PDE1C: variants seen among roughly 807,000 people sequenced by gnomAD.
The protein encoded by PDE1C is dual specificity calcium/calmodulin-dependent 3',5'-cyclic nucleotide phosphodiesterase 1C.
PDE1C carries 62 observed loss-of-function variants against 93.1 expected under a neutral mutation model. The observed-to-expected ratio is 0.67, with a 90% CI of 0.54 to 0.82. The LOEUF is 0.82. PDE1C is among the 40% of genes least tolerant of loss of function. The probability of loss-of-function intolerance (pLI) is 0.00; values close to 1 mark genes in which losing one functional copy is unlikely to be tolerated. For synonymous variants in PDE1C, 325 were observed against 310.1 expected, an observed-to-expected ratio of 1.05 and a Z score of -0.50; for missense variants, 742 against 884.6, an observed-to-expected ratio of 0.84 and a Z score of 2.04.
intron 1 of PDE1C, among the ~76,000 whole-genome samples, chr7:32,402,088 C>T (rs1392281813): frequency 6.6e-6 from 1 of 151,990 alleles, no homozygotes; most frequent in Non-Finnish European, 1.5e-5. Context: ...AAGCAGGAAA[C>T]CAAAGCACTA....
intron 10 of PDE1C, 134 bp from the exon 11 acceptor site, chr7:31,837,434 A>C: frequency 1.3e-6 from 1 of 778,606 alleles, no homozygotes; most frequent in Non-Finnish European, 1.9e-6. Context: ...AATTGAGGAA[A>C]AGACATCATT....
At chr7:32,167,876 C>A (rs889896816) in intron 3 of PDE1C, among the ~76,000 whole-genome samples, 4 of 152,084 alleles carry the variant, frequency 2.6e-5, no homozygotes, top group African/African-American at 9.7e-5. Flanking sequence ...CTTGATTATG[C>A]TCTGATTTAT....
intron 1 of PDE1C, among the ~76,000 whole-genome samples, chr7:32,298,065 C>CTCTCCTCTCTCT (rs1562660556): frequency 3.8e-4 from 8 of 21,174 alleles, no homozygotes; most frequent in South Asian, 2.1e-3. Flanking sequence ...TCTCTCTCTC[C>CTCTCCTCTCTCT]CCTCTCTCTC....
chr7:31,965,417 A>G (rs1809766434), intron 2 of PDE1C, among the ~76,000 whole-genome samples: 1 of 152,164 alleles, frequency 6.6e-6, no homozygotes, highest in Non-Finnish European at 1.5e-5. Flanking sequence ...AAAAAAGAAC[A>G]AAAAGAAACA....
intron 3 of PDE1C, among the ~76,000 whole-genome samples, chr7:32,121,055 AAACAC>A (rs768164377): frequency 6.6e-6 from 1 of 152,204 alleles, no homozygotes; most frequent in African/African-American, 2.4e-5. Flanking sequence ...TGGGGCTGAA[AAACAC>A]AACACAAGAA....
chr7:31,898,932 G>A (rs184031652), intron 2 of PDE1C, among the ~76,000 whole-genome samples: 108 of 152,200 alleles, frequency 7.1e-4, no homozygotes, highest in African/African-American at 1.7e-3. Flanking sequence ...TTTCACTAGC[G>A]TGGCTTCCTC....
intron 1 of PDE1C, among the ~76,000 whole-genome samples, chr7:32,067,999 A>C (rs1328379373): frequency 6.6e-6 from 1 of 152,218 alleles, no homozygotes; most frequent in Non-Finnish European, 1.5e-5. Context: ...ACCAACAAGA[A>C]GGAGATGCGA....
At chr7:32,006,574 T>A (rs1786289027) in intron 2 of PDE1C, among the ~76,000 whole-genome samples, 1 of 152,182 alleles carries the variant, frequency 6.6e-6, no homozygotes, top group African/African-American at 2.4e-5. Context: ...TTACAGCTGG[T>A]ACTAGCAGTA....
the PDE1C span, among the ~76,000 whole-genome samples, chr7:31,723,969 A>G: frequency 1.3e-5 from 2 of 151,838 alleles, no homozygotes; most frequent in Admixed American, 6.6e-5. Context: ...ACTCCTTCTT[A>G]CTTCTATATC....
At chr7:32,213,102 A>G (rs1806170328) in intron 1 of PDE1C, among the ~76,000 whole-genome samples, 1 of 152,226 alleles carries the variant, frequency 6.6e-6, no homozygotes, top group Admixed American at 6.5e-5. Flanking sequence ...GAATGCCACA[A>G]ACAGCTTAGT....
At chr7:32,282,967 C>T (rs911677314) in intron 1 of PDE1C, among the ~76,000 whole-genome samples, 7 of 152,116 alleles carry the variant, frequency 4.6e-5, no homozygotes, top group South Asian at 2.1e-4. Context: ...TCAAACCTCA[C>T]GTGTGGAATT....
chr7:31,808,121 A>G, intron 16 of PDE1C: 1 of 425,134 alleles, frequency 2.4e-6, no homozygotes, highest in Non-Finnish European at 4.5e-6. Flanking sequence ...ATGTGCAAAG[A>G]ATTACGTTCC....
intron 1 of PDE1C, among the ~76,000 whole-genome samples, chr7:32,380,671 C>A (rs1415299501): frequency 6.6e-6 from 1 of 152,050 alleles, no homozygotes; most frequent in Non-Finnish European, 1.5e-5. Flanking sequence ...TCACCTCATT[C>A]CTGCAGCCTG....
At chr7:32,386,042 G>A (rs1784619190) in intron 1 of PDE1C, among the ~76,000 whole-genome samples, 2 of 150,220 alleles carry the variant, frequency 1.3e-5, no homozygotes, top group Non-Finnish European at 1.5e-5. Flanking sequence ...TGCCCTTACT[G>A]ACTCAGCTCC....
At chr7:31,873,549 C>T in intron 5 of PDE1C, 141 bp from the exon 6 acceptor site, 1 of 614,940 alleles carries the variant, frequency 1.6e-6, no homozygotes, top group Non-Finnish European at 2.9e-6. Context: ...CACTCTCAAA[C>T]TTTTTCCAAT....
chr7:32,128,798 T>G (rs73102510), intron 3 of PDE1C, among the ~76,000 whole-genome samples: 30,209 of 149,760 alleles, frequency 0.2, 3,683 homozygotes, highest in Middle Eastern at 0.3. Flanking sequence ...GGAATTTATT[T>G]TAAGGAAGTA....
chr7:31,782,553 G>A (rs12056173), intron 16 of PDE1C, among the ~76,000 whole-genome samples: 6,084 of 152,252 alleles, frequency 0.04, 286 homozygotes, highest in East Asian at 0.19. Flanking sequence ...TACACCAGGA[G>A]GCCCTGATGA....
chr7:32,070,669 T>C (rs572206991), upstream of PDE1C: 14 of 1,323,126 alleles, frequency 1.1e-5, no homozygotes, highest in Middle Eastern at 3.0e-4. Flanking sequence ...GGGATAGAGA[T>C]AGGGATTGGG....
At chr7:31,833,727 C>T (rs968263814) in intron 11 of PDE1C, among the ~76,000 whole-genome samples, 1 of 152,128 alleles carries the variant, frequency 6.6e-6, no homozygotes, top group Non-Finnish European at 1.5e-5. Context: ...GGAAAACATT[C>T]AAGAGGTAAC....
Sources: allele counts gnomAD v4.1 joint callset (sites outside exome capture counted in the v4.1 genomes callset), GRCh38; gene constraint gnomAD v4.1.1; transcripts MANE v1.5; gene names NCBI Gene and HGNC (gene_info 2026-07-23, HGNC 2026-07-21).